Variants in TIAM1 observed in about 807,000 individuals in gnomAD.
The protein encoded by TIAM1 is TIAM Rac1 associated GEF 1.
A neutral mutation model predicts 163.5 loss-of-function variants in TIAM1; 65 were observed. The ratio of observed to expected loss-of-function variants is 0.40; its 90% CI spans 0.33 to 0.49. The LOEUF (loss-of-function observed/expected upper bound fraction) is 0.49. TIAM1 is among the 20% of genes least tolerant of loss of function. The pLI is 0.77. For synonymous variants in TIAM1, 833 were observed against 810.1 expected (o/e 1.03, Z -0.48); for missense variants, 1,789 against 2,044.7 (o/e 0.87, Z 2.41).
intron 2 of TIAM1, among the ~76,000 whole-genome samples, chr21:31,388,022 C>G (rs2076905252): frequency 6.6e-6 from 1 of 152,064 alleles, no homozygotes; most frequent in Non-Finnish European, 1.5e-5. Flanking sequence ...CTCAGGCTTT[C>G]ACCATGTGAC....
intron 2 of TIAM1, among the ~76,000 whole-genome samples, chr21:31,361,389 T>C (rs1020083312): frequency 6.6e-6 from 1 of 152,080 alleles, no homozygotes; most frequent in Admixed American, 6.5e-5. Flanking sequence ...GCCTGGTTGT[T>C]ATCTTTAGGA....
chr21:31,163,291 ATC>A (rs959839375), intron 16 of TIAM1, among the ~76,000 whole-genome samples: 4 of 152,242 alleles, frequency 2.6e-5, no homozygotes, highest in Admixed American at 1.3e-4. Context: ...GTATAGAAAT[ATC>A]TGTTTCTCCT....
intron 15 of TIAM1, among the ~76,000 whole-genome samples, chr21:31,179,670 G>A (rs776926837): frequency 3.9e-5 from 6 of 151,984 alleles, no homozygotes; most frequent in South Asian, 2.1e-4. Context: ...AGGAGGTAAC[G>A]TGGTCAGTTG....
At chr21:31,255,285 GC>G (rs1456974409) in intron 4 of TIAM1, among the ~76,000 whole-genome samples, 2 of 152,142 alleles carry the variant, frequency 1.3e-5, no homozygotes, top group East Asian at 3.9e-4. Flanking sequence ...TGGTACACAT[GC>G]CCCCACTGAT....
At chr21:31,210,748 G>GAGAAAGAAAAGAAAGAA (rs2086812702) in intron 10 of TIAM1, among the ~76,000 whole-genome samples, 1 of 59,796 alleles carries the variant, frequency 1.7e-5, no homozygotes, top group South Asian at 6.4e-4. Flanking sequence ...GGAAGGAAGG[G>GAGAAAGAAAAGAAAGAA]AGAAAGAAAG....
chr21:31,372,876 A>G (rs966924803), intron 2 of TIAM1, among the ~76,000 whole-genome samples: 7 of 151,928 alleles, frequency 4.6e-5, no homozygotes, highest in African/African-American at 1.7e-4. Context: ...ACCAACATGA[A>G]GAAACCCCAT....
intron 2 of TIAM1, among the ~76,000 whole-genome samples, chr21:31,406,036 T>C (rs189298272): frequency 4.4e-4 from 67 of 152,248 alleles, no homozygotes; most frequent in Admixed American, 2.3e-3. Flanking sequence ...CTCAAAGAGA[T>C]TGCCGTCATC....
intron 3 of TIAM1, among the ~76,000 whole-genome samples, chr21:31,271,413 C>T (rs963491547): frequency 6.6e-6 from 1 of 152,178 alleles, no homozygotes; most frequent in African/African-American, 2.4e-5. Context: ...CTGGAAGAAA[C>T]TTCCCAATCA....
rs567806290 is a variant in TIAM1, at chr21:31,210,730, A to G, written c.2218-515T>C. 8.7e-4 allele frequency among the ~76,000 whole-genome samples: 94 copies of G among 108,590 alleles called. 7 individuals are homozygous for G. Among genetic ancestry groups the G allele is most frequent in the African/African-American group, 4.8e-3 (91 of 18,858 alleles). The allele number at this position is 108,590 out of a possible 152,430, so 71.2% of individuals were successfully genotyped here. On this transcript the variant is annotated intron_variant, in intron 10 of 27. Coordinates refer to ENST00000541036, the MANE Select transcript of TIAM1 (RefSeq NM_001353694.2). ...GAGAAAGAAAGAGAAAGAAAGAAAG[A>G]GAAAGAAGGAAGGAAGGGAGAAAGA...
At chr21:31,356,894 T>C (rs2076325159) in intron 2 of TIAM1, among the ~76,000 whole-genome samples, 1 of 152,186 alleles carries the variant, frequency 6.6e-6, no homozygotes, top group African/African-American at 2.4e-5. Flanking sequence ...GACAGGAGGA[T>C]GGGGCTTGAG....
At chr21:31,226,802 T>G (rs563425804) in intron 6 of TIAM1, among the ~76,000 whole-genome samples, 1 of 152,254 alleles carries the variant, frequency 6.6e-6, no homozygotes, top group South Asian at 2.1e-4. Context: ...TTAGCCCATC[T>G]CAAGAAATAA....
chr21:31,260,671 G>A (rs1279678820), intron 4 of TIAM1, among the ~76,000 whole-genome samples: 4 of 141,706 alleles, frequency 2.8e-5, no homozygotes, highest in Non-Finnish European at 3.0e-5. Flanking sequence ...CTTAACTTAC[G>A]TGCCAGAAAA....
At position 31,525,862 on chromosome 21, in the gene TIAM1, C is replaced by T. The variant is rs199702483; in HGVS notation, c.-422+33065G>A. Among the ~76,000 whole-genome samples, 20 of 152,026 alleles carry T rather than the reference C, an allele frequency of 1.3e-4. No homozygotes were observed. In the East Asian group the frequency reaches 3.7e-3, roughly 28 times the overall value. On this transcript the variant is annotated intron_variant, in intron 1 of 28. Coordinates refer to the TIAM1 transcript ENST00000286827. Reference sequence around the variant, plus strand: ...CAGCCTGGCCAACATGGTGAAATCCCGCCTTTACTAAAAATACAAAAATTA... The same window carrying T: ...CAGCCTGGCCAACATGGTGAAATCCTGCCTTTACTAAAAATACAAAAATTA...
At chr21:31,239,961 C>T (rs2071080977) in intron 6 of TIAM1, among the ~76,000 whole-genome samples, 1 of 152,156 alleles carries the variant, frequency 6.6e-6, no homozygotes, top group African/African-American at 2.4e-5. Context: ...CCCTGCAATG[C>T]CACTCCTAGG....
intron 4 of TIAM1, among the ~76,000 whole-genome samples, chr21:31,264,711 C>G (rs2072661092): frequency 6.6e-6 from 1 of 152,204 alleles, no homozygotes; most frequent in Non-Finnish European, 1.5e-5. Context: ...TTTAGACCCC[C>G]TTTCCAGCAG....
chr21:31,515,040 A>T (rs974996761), intron 1 of TIAM1, among the ~76,000 whole-genome samples: 5 of 152,120 alleles, frequency 3.3e-5, no homozygotes, highest in African/African-American at 1.2e-4. Context: ...TGGTTCGGTG[A>T]CTCTTTTGCC....
chr21:31,215,156 C>A, intron 9 of TIAM1, among the ~76,000 whole-genome samples: 1 of 151,882 alleles, frequency 6.6e-6, no homozygotes, highest in African/African-American at 2.4e-5. Flanking sequence ...GTAACATAAC[C>A]TGGTGCCAAT....
chr21:31,420,705 TA>T (rs1431990203), intron 2 of TIAM1, among the ~76,000 whole-genome samples: 1 of 152,174 alleles, frequency 6.6e-6, no homozygotes, highest in Non-Finnish European at 1.5e-5. Flanking sequence ...AACTTCTATC[TA>T]GGGGGTCAAA....
At chr21:31,154,711 A>G (rs2083539044) in intron 16 of TIAM1, among the ~76,000 whole-genome samples, 1 of 152,216 alleles carries the variant, frequency 6.6e-6, no homozygotes, top group African/African-American at 2.4e-5. Context: ...CAGAGGGGTT[A>G]AGTAACTCAT....
Sources: gnomAD v4.1 joint callset for allele counts (sites outside exome capture counted in the v4.1 genomes callset) on GRCh38, gnomAD v4.1.1 for gene constraint, MANE v1.5 for transcripts, NCBI Gene and HGNC (gene_info 2026-07-23, HGNC 2026-07-21) for gene names.